DENND1A: variants seen among roughly 807,000 people sequenced by gnomAD.
DENND1A encodes the protein DENN domain containing 1A.
DENND1A carries 51 observed loss-of-function variants against 113.7 expected under a neutral mutation model. The observed-to-expected ratio is 0.45, with a 90% confidence interval of 0.36 to 0.57. The LOEUF (loss-of-function observed/expected upper bound fraction) is 0.57. Among genes scored for constraint, DENND1A ranks in the 20% least tolerant of loss-of-function variants. DENND1A has a pLI of 0.00. For synonymous variants in DENND1A, 565 were observed against 570.8 expected, an observed-to-expected ratio of 0.99 and a Z score of 0.14; for missense variants, 1,258 against 1,395.9, an observed-to-expected ratio of 0.90 and a Z score of 1.57.
chr9:123,573,666 C>A (rs1413077512), intron 12 of DENND1A, among the ~76,000 whole-genome samples: 1 of 152,082 alleles, frequency 6.6e-6, no homozygotes, highest in Non-Finnish European at 1.5e-5. Context: ...TTACTAAATT[C>A]ATTTATGAGA....
At chr9:123,667,654 G>A (rs1208908059) in intron 7 of DENND1A, among the ~76,000 whole-genome samples, 1 of 152,090 alleles carries the variant, frequency 6.6e-6, no homozygotes, top group African/African-American at 2.4e-5. Flanking sequence ...AAGTTAAATG[G>A]CTAAACACAT....
intron 13 of DENND1A, among the ~76,000 whole-genome samples, chr9:123,525,975 C>CA (rs1295472207): frequency 1.3e-5 from 2 of 152,054 alleles, no homozygotes; most frequent in African/African-American, 2.4e-5. Flanking sequence ...AGGCTGGTCT[C>CA]AAACTCCTGG....
At chr9:123,399,023 T>C (rs2043289196) in intron 21 of DENND1A, among the ~76,000 whole-genome samples, 1 of 151,488 alleles carries the variant, frequency 6.6e-6, no homozygotes, top group Non-Finnish European at 1.5e-5. Flanking sequence ...CTTGAACTCC[T>C]GACCTCAAGT....
intron 5 of DENND1A, among the ~76,000 whole-genome samples, chr9:123,705,798 T>C (rs914140858): frequency 5.9e-5 from 9 of 152,170 alleles, no homozygotes; most frequent in Non-Finnish European, 1.2e-4. Context: ...GACTTGATAA[T>C]ATTACTGAAT....
At chr9:123,575,036 G>A (rs1210356458) in intron 12 of DENND1A, among the ~76,000 whole-genome samples, 1 of 152,088 alleles carries the variant, frequency 6.6e-6, no homozygotes, top group East Asian at 1.9e-4. Flanking sequence ...CCTTTGTTAT[G>A]ACCTTGACAG....
At chr9:123,552,463 C>T (rs942315770) in intron 13 of DENND1A, among the ~76,000 whole-genome samples, 19 of 152,232 alleles carry the variant, frequency 1.2e-4, no homozygotes, top group African/African-American at 4.1e-4. Flanking sequence ...CCGCTTAGGT[C>T]CCTCATGTTT....
At chr9:123,414,922 G>C (rs1387353977) in intron 19 of DENND1A, among the ~76,000 whole-genome samples, 1 of 152,176 alleles carries the variant, frequency 6.6e-6, no homozygotes, top group Non-Finnish European at 1.5e-5. Context: ...TAGGTGCTCA[G>C]CAAATTACTT....
Position 123,382,057 on chromosome 9 carries a change from G to T in DENND1A, c.2588C>A (p.Pro863His). 6.6e-7 allele frequency: 1 copy of T among 1,504,050 alleles called. No homozygotes were observed. 93.2% of individuals were successfully genotyped at this position (1,504,050 alleles called of 1,614,324 possible). ...AWSGSTLPSR[P>H]ATPNVATPFT... is the part of the protein sequence containing the mutation. ...TGGGGTGGCTACATTCGGGGTGGCGGGGCGTGACGGGAGGGTGCTGCCTGA... is the reference window on the plus strand; with the variant it reads ...TGGGGTGGCTACATTCGGGGTGGCGTGGCGTGACGGGAGGGTGCTGCCTGA... Residue 863 changes from proline to histidine, a missense_variant, in exon 24 of 24, where the codon CCC (proline) becomes CAC (histidine). By Grantham distance (77) the Pro-to-His change is moderately conservative (BLOSUM62 -2). Coordinates refer to ENST00000394215, the MANE Select transcript of DENND1A (RefSeq NM_001352964.2).
chr9:123,395,569 T>G (rs1466586432), intron 21 of DENND1A, among the ~76,000 whole-genome samples: 4 of 151,924 alleles, frequency 2.6e-5, no homozygotes, highest in Non-Finnish European at 5.9e-5. Flanking sequence ...TCTGCTCATG[T>G]GTTTGGATAG....
At chr9:123,840,149 CA>C (rs1841617305) in intron 2 of DENND1A, among the ~76,000 whole-genome samples, 1 of 149,110 alleles carries the variant, frequency 6.7e-6, no homozygotes, top group Non-Finnish European at 1.5e-5. Context: ...ATCCACCACT[CA>C]AAAAAAATTT....
chr9:123,704,983 A>G (rs2066103077), intron 5 of DENND1A, among the ~76,000 whole-genome samples: 1 of 152,148 alleles, frequency 6.6e-6, no homozygotes, highest in South Asian at 2.1e-4. Flanking sequence ...CCAGAAGGAT[A>G]TAATAAGAAA....
chr9:123,891,983 CT>C (rs1284435158), intron 1 of DENND1A, among the ~76,000 whole-genome samples: 1 of 152,158 alleles, frequency 6.6e-6, no homozygotes, highest in East Asian at 1.9e-4. Context: ...CAGCAAACAC[CT>C]GGAGCTGAGA....
At chr9:123,661,244 C>G (rs1390953159) in intron 8 of DENND1A, among the ~76,000 whole-genome samples, 1 of 152,206 alleles carries the variant, frequency 6.6e-6, no homozygotes, top group Non-Finnish European at 1.5e-5. Context: ...GCTCAATGAG[C>G]TAGTTAACAG....
intron 21 of DENND1A, among the ~76,000 whole-genome samples, chr9:123,392,241 T>A (rs1226949035): frequency 1.3e-5 from 2 of 152,148 alleles, no homozygotes; most frequent in African/African-American, 4.8e-5. Context: ...CGGGAGTTTT[T>A]TTCATGTGTC....
chr9:123,625,808 A>G (rs1191563739), intron 10 of DENND1A, among the ~76,000 whole-genome samples: 1 of 152,200 alleles, frequency 6.6e-6, no homozygotes, highest in African/African-American at 2.4e-5. Context: ...GAGGAACTAT[A>G]TTGATTTTTC....
intron 19 of DENND1A, among the ~76,000 whole-genome samples, chr9:123,412,214 C>T (rs953695983): frequency 6.6e-5 from 10 of 152,182 alleles, no homozygotes; most frequent in Admixed American, 6.5e-5. Context: ...CCCCCAAGAC[C>T]GGGACTCCAC....
intron 3 of DENND1A, among the ~76,000 whole-genome samples, chr9:123,773,965 A>C (rs1447083058): frequency 2.0e-5 from 3 of 152,170 alleles, no homozygotes. Context: ...TGGCTTGCTG[A>C]AAGCCGATAT....
intron 11 of DENND1A, among the ~76,000 whole-genome samples, chr9:123,593,525 C>T (rs2059553917): frequency 6.6e-6 from 1 of 152,106 alleles, no homozygotes; most frequent in Admixed American, 6.5e-5. Flanking sequence ...TATTATCATG[C>T]CCACAACATG....
At chr9:123,474,032 T>A (rs2049690892) in intron 13 of DENND1A, among the ~76,000 whole-genome samples, 1 of 135,872 alleles carries the variant, frequency 7.4e-6, no homozygotes. Context: ...TCTCGCTCTG[T>A]CTCCCAGGCT....
Sources: gnomAD v4.1 joint callset for allele counts (sites outside exome capture counted in the v4.1 genomes callset) on GRCh38, gnomAD v4.1.1 for gene constraint, MANE v1.5 for transcripts, NCBI Gene and HGNC (gene_info 2026-07-23, HGNC 2026-07-21) for gene names.